Variants in ATP2B2 observed in about 807,000 individuals in gnomAD.
The protein encoded by ATP2B2 is plasma membrane calcium-transporting ATPase 2.
A neutral mutation model predicts 120.0 loss-of-function variants in ATP2B2; 15 were observed. That is an observed-to-expected ratio of 0.12 (90% CI 0.08 to 0.19). The LOEUF (loss-of-function observed/expected upper bound fraction) is 0.19. ATP2B2 is among the 10% of genes least tolerant of loss of function. The pLI is 1.00. For missense variants in ATP2B2, 1,045 were observed against 1,719.8 expected, an observed-to-expected ratio of 0.61 and a Z score of 6.94; for synonymous variants, 694 against 700.3, an observed-to-expected ratio of 0.99 and a Z score of 0.14.
At chr3:10,599,001 G>T (rs1033727550) in intron 2 of ATP2B2, among the ~76,000 whole-genome samples, 1 of 152,216 alleles carries the variant, frequency 6.6e-6, no homozygotes, top group Non-Finnish European at 1.5e-5. Flanking sequence ...TTACTGCCCC[G>T]GCCCTCTGCC....
chr3:10,486,256 A>G (rs2065649513), intron 1 of ATP2B2, among the ~76,000 whole-genome samples: 1 of 152,152 alleles, frequency 6.6e-6, no homozygotes, highest in African/African-American at 2.4e-5. Context: ...TCAAGTGCCT[A>G]GAACTGTTGC....
chr3:10,438,191 T>A (rs2063538769), intron 2 of ATP2B2, among the ~76,000 whole-genome samples: 1 of 152,186 alleles, frequency 6.6e-6, no homozygotes, highest in Non-Finnish European at 1.5e-5. Flanking sequence ...AGATGGTCCT[T>A]GAAGGCCCTT....
intron 1 of ATP2B2, among the ~76,000 whole-genome samples, chr3:10,661,863 C>T (rs2070789800): frequency 6.6e-6 from 1 of 152,172 alleles, no homozygotes; most frequent in African/African-American, 2.4e-5. Context: ...TACAAGGCTA[C>T]AGTAACCAAA....
intron 1 of ATP2B2, among the ~76,000 whole-genome samples, chr3:10,707,256 G>T (rs1312603914): frequency 6.6e-6 from 1 of 152,230 alleles, no homozygotes; most frequent in Non-Finnish European, 1.5e-5. Flanking sequence ...CCAGGTGGGG[G>T]ACCCGTGCGT....
chr3:10,473,592 C>G (rs1470923924), intron 1 of ATP2B2, among the ~76,000 whole-genome samples: 1 of 152,220 alleles, frequency 6.6e-6, no homozygotes, highest in East Asian at 1.9e-4. Context: ...GATTGCACCA[C>G]TGCACTCCAG....
At chr3:10,604,220 C>G (rs561596357) in intron 2 of ATP2B2, among the ~76,000 whole-genome samples, 1 of 152,232 alleles carries the variant, frequency 6.6e-6, no homozygotes. Context: ...CCCCTCTCAC[C>G]CCGTAGCCAT....
At chr3:10,575,661 A>G (rs2068227458) in intron 2 of ATP2B2, among the ~76,000 whole-genome samples, 1 of 152,180 alleles carries the variant, frequency 6.6e-6, no homozygotes, top group African/African-American at 2.4e-5. Flanking sequence ...TGTCTGGGGT[A>G]GAGAGGATGA....
intron 2 of ATP2B2, among the ~76,000 whole-genome samples, chr3:10,551,281 G>A (rs570200925): frequency 3.3e-5 from 5 of 152,360 alleles, no homozygotes; most frequent in African/African-American, 1.2e-4. Context: ...GTGGGGGAAA[G>A]ATGAGAGACG....
chr3:10,330,762 C>T (rs1348435401), intron 22 of ATP2B2, among the ~76,000 whole-genome samples: 2 of 152,172 alleles, frequency 1.3e-5, no homozygotes, highest in African/African-American at 2.4e-5. Context: ...GGAAAGCCCT[C>T]TTTTATGGAA....
At chr3:10,390,217 C>T (rs1172419774) in intron 5 of ATP2B2, among the ~76,000 whole-genome samples, 2 of 152,086 alleles carry the variant, frequency 1.3e-5, no homozygotes, top group African/African-American at 4.8e-5. Flanking sequence ...TTTTCTGTCC[C>T]CTCGAGACTA....
intron 12 of ATP2B2, among the ~76,000 whole-genome samples, chr3:10,362,851 C>CAT (rs1476128574): frequency 1.3e-5 from 2 of 152,094 alleles, no homozygotes; most frequent in Admixed American, 6.5e-5. Context: ...GTGTGCTATA[C>CAT]ATATATATAC....
intron 2 of ATP2B2, among the ~76,000 whole-genome samples, chr3:10,575,651 T>C (rs1351114133): frequency 6.6e-6 from 1 of 152,202 alleles, no homozygotes; most frequent in African/African-American, 2.4e-5. Flanking sequence ...TGCTAGGTTA[T>C]GTCTGGGGTA....
chr3:10,447,605 C>A (rs1161498059), intron 2 of ATP2B2, among the ~76,000 whole-genome samples: 3 of 152,182 alleles, frequency 2.0e-5, no homozygotes, highest in Non-Finnish European at 2.9e-5. Flanking sequence ...TCTCCCAGTC[C>A]CCAATCAACA....
intron 2 of ATP2B2, among the ~76,000 whole-genome samples, chr3:10,617,148 C>T (rs2069412105): frequency 6.6e-6 from 1 of 152,144 alleles, no homozygotes; most frequent in Non-Finnish European, 1.5e-5. Context: ...TGATACACAT[C>T]GTTGTAGATC....
intron 2 of ATP2B2, among the ~76,000 whole-genome samples, chr3:10,616,510 T>G (rs941428453): frequency 6.6e-6 from 1 of 152,164 alleles, no homozygotes; most frequent in African/African-American, 2.4e-5. Context: ...CATGAATACA[T>G]GAATACAGGC....
chr3:10,571,601 A>C (rs529817676), intron 2 of ATP2B2, among the ~76,000 whole-genome samples: 3 of 152,318 alleles, frequency 2.0e-5, no homozygotes, highest in Non-Finnish European at 2.9e-5. Flanking sequence ...AAGCTCAGCC[A>C]GGCTACTCAG....
intron 1 of ATP2B2, among the ~76,000 whole-genome samples, chr3:10,452,849 C>T (rs1261284374): frequency 6.6e-6 from 1 of 152,204 alleles, no homozygotes; most frequent in Non-Finnish European, 1.5e-5. Context: ...CCCCAGGAGG[C>T]CTCAGTCCTT....
chr3:10,453,427 G>A (rs1421480124), intron 1 of ATP2B2, among the ~76,000 whole-genome samples: 3 of 152,200 alleles, frequency 2.0e-5, no homozygotes, highest in Non-Finnish European at 4.4e-5. Context: ...CTGAGGCCAA[G>A]AGAGATGAAG....
chr3:10,563,491 A>G (rs540731915), intron 2 of ATP2B2, among the ~76,000 whole-genome samples: 2 of 152,166 alleles, frequency 1.3e-5, no homozygotes, highest in Non-Finnish European at 2.9e-5. Flanking sequence ...ATGGTCAGGC[A>G]TTGTTGGTTT....
Sources: gnomAD v4.1 joint callset for allele counts (sites outside exome capture counted in the v4.1 genomes callset) on GRCh38, gnomAD v4.1.1 for gene constraint, MANE v1.5 for transcripts, NCBI Gene and HGNC (gene_info 2026-07-23, HGNC 2026-07-21) for gene names.